The following FAM83F variants were observed in gnomAD, a reference collection of about 807,000 sequenced individuals.
FAM83F encodes the protein scaffolding CK1 anchoring protein F, also known as protein FAM83F.
A neutral mutation model predicts 42.9 loss-of-function variants in FAM83F; 45 were observed. The observed-to-expected ratio is 1.05, with a 90% CI of 0.83 to 1.35. FAM83F has a LOEUF of 1.35. FAM83F is among the 40% of genes most tolerant of loss of function. The pLI is 0.00. For synonymous variants in FAM83F, 306 were observed against 298.3 expected, an observed-to-expected ratio of 1.03 and a Z score of -0.27; for missense variants, 617 against 695.9, an observed-to-expected ratio of 0.89 and a Z score of 1.28.
In FAM83F at chr22:40,023,811, C is replaced by T. The variant is rs573429931; in HGVS notation, c.1453+1848C>T. Among the ~76,000 whole-genome samples, 62 of 152,262 alleles carry T rather than the reference C, an allele frequency of 4.1e-4. No individual in the cohort carries two copies. Among genetic ancestry groups the T allele is most frequent in the African/African-American group, 1.5e-3 (61 of 41,544 alleles). On this transcript the variant is annotated intron_variant, in intron 4 of 4. Transcript: ENST00000333407. This position sits in a 1 kb window ranked among gnomAD's most constrained non-coding sequence, Gnocchi z 4.1. ...AGAGGGAATAGTGAGGGCGAGGGCA[C>T]GGACAGCCAGGAAGGTCCGGGGATG...
In FAM83F at chr22:40,019,894, G is replaced by A. The variant is rs148160604; in HGVS notation, c.665G>A (p.Arg222His). ...QLTDFRIRNI[R>H]VRSVTGVGFY... is the part of the protein sequence containing the mutation. ...TTCTGCTCTTCCCAACAGAACATCC[G>A]TGTCCGCTCTGTGACAGGCGTCGGC... Residue 222 changes from arginine (R) to histidine (H), a missense_variant, in exon 3 of 5, where the codon CGT (arginine) becomes CAT (histidine). Physicochemically the swap from Arg to His is conservative, Grantham distance 29 (BLOSUM62 0). Transcript: ENST00000333407. 1.2e-4 allele frequency: 188 copies of A among 1,611,864 alleles called. No individual in the cohort carries two copies. The Middle Eastern group carries it at 1.7e-3, about 14-fold the overall frequency.
chr22:40,032,908 C>A lies in FAM83F; in HGVS notation c.*3343C>A, dbSNP rs2146249160. 1 of 152,174 alleles carries A rather than the reference C, an allele frequency of 6.6e-6. No homozygotes were observed. The highest frequency in any genetic ancestry group is 2.1e-4 in the South Asian group (1 of 4,810). The allele number at this position is 152,174 out of a possible 1,614,324, so 9.4% of individuals were successfully genotyped here. On this transcript the variant is annotated 3_prime_UTR_variant, in exon 5 of 5. Coordinates refer to ENST00000333407, the MANE Select transcript of FAM83F (RefSeq NM_138435.4). ...TTTTGTTTACTACTGTATTGCTTTT[C>A]TCTTTTTCATATTTATTGAGCACCT...
intron 1 of FAM83F, among the ~76,000 whole-genome samples, chr22:40,000,379 G>T (rs1411454510): frequency 6.6e-6 from 1 of 152,100 alleles, no homozygotes; most frequent in Non-Finnish European, 1.5e-5. Context: ...TGAACAGCTG[G>T]GATACAGATG....
Position 39,995,009 on chromosome 22 carries a change from C to T in FAM83F, c.-34C>T. 1 of 1,239,470 alleles carries T rather than the reference C, an allele frequency of 8.1e-7. No homozygotes were observed. Among genetic ancestry groups the T allele is most frequent in the Non-Finnish European group, 1.0e-6 (1 of 992,650 alleles). The allele number at this position is 1,239,470 out of a possible 1,614,324, so 76.8% of individuals were successfully genotyped here. A position where few individuals can be genotyped will look rare whatever the true frequency, so the allele number is the denominator to read the frequency against. On this transcript the variant is annotated 5_prime_UTR_variant, in exon 1 of 5. Transcript: ENST00000333407. The surrounding 1 kb of genome is among the most constrained non-coding windows in gnomAD (Gnocchi z 4.6). Reference sequence around the variant, plus strand: ...TGTGGGACCTCGGACCGCGGCGGGGCCGGGGCCAGGGCCGGGGCCGGGGCC... The same window carrying T: ...TGTGGGACCTCGGACCGCGGCGGGGTCGGGGCCAGGGCCGGGGCCGGGGCC...
chr22:40,039,950 C>T lies in FAM83F; in HGVS notation c.*10385C>T, dbSNP rs559054750. The T allele has an allele frequency of 6.6e-6, 1 of 152,288 alleles. No individual in the cohort carries two copies. The highest frequency in any genetic ancestry group is 2.4e-5 in the African/African-American group (1 of 41,550). The allele number at this position is 152,288 out of a possible 1,614,324, so 9.4% of individuals were successfully genotyped here. Reference sequence around the variant, plus strand: ...AGAGAGAGAAAACGAGAGAGCATTCCTGGTGGTGGAGATGGCCGCAGGCCA... The same window carrying T: ...AGAGAGAGAAAACGAGAGAGCATTCTTGGTGGTGGAGATGGCCGCAGGCCA... On this transcript the variant is annotated 3_prime_UTR_variant, in exon 5 of 5. Transcript: ENST00000333407.
chr22:40,029,084 T>G (rs1322128302), intron 4 of FAM83F, among the ~76,000 whole-genome samples: 1 of 10,878 alleles, frequency 9.2e-5, no homozygotes, highest in African/African-American at 3.9e-4. Flanking sequence ...GCTAGACGTG[T>G]GTGTGTGTGT....
intron 4 of FAM83F, among the ~76,000 whole-genome samples, chr22:40,027,128 G>A (rs1299898482): frequency 6.6e-6 from 1 of 152,082 alleles, no homozygotes; most frequent in East Asian, 1.9e-4. Flanking sequence ...AGGATTAGGG[G>A]AGGATGACCC....
intron 3 of FAM83F, among the ~76,000 whole-genome samples, chr22:40,020,802 T>C (rs754644484): frequency 7.9e-5 from 12 of 152,120 alleles, no homozygotes; most frequent in Non-Finnish European, 1.3e-4. Context: ...TCCTGTCACA[T>C]GGTCAGAGTA....
chr22:40,008,828 G>A (rs1220385578), intron 1 of FAM83F, among the ~76,000 whole-genome samples: 1 of 152,166 alleles, frequency 6.6e-6, no homozygotes, highest in Non-Finnish European at 1.5e-5. Flanking sequence ...ATCAGAAAAG[G>A]AGATTCCACA....
chr22:40,023,347 AGCT>A lies in FAM83F; in HGVS notation c.1453+1403_1453+1405del, dbSNP rs570808507. On this transcript the variant is annotated intron_variant, in intron 4 of 4. Coordinates refer to ENST00000333407, the MANE Select transcript of FAM83F (RefSeq NM_138435.4). The surrounding 1 kb of genome is among the most constrained non-coding windows in gnomAD (Gnocchi z 4.1). ...TGGGCTCCCTGGCTCCCCTAACACC[AGCT>A]GCTGCTGCTGCTGCTGCTCCTGCTC... Among the ~76,000 whole-genome samples, 19 of 136,420 alleles carry A rather than the reference AGCT, an allele frequency of 1.4e-4. No homozygotes were observed. The highest frequency in any genetic ancestry group is 4.3e-4 in the African/African-American group (15 of 34,656). The allele number at this position is 136,420 out of a possible 152,430, so 89.5% of individuals were successfully genotyped here.
At chr22:40,010,519 C>T (rs978067557) in intron 1 of FAM83F, among the ~76,000 whole-genome samples, 6 of 152,160 alleles carry the variant, frequency 3.9e-5, no homozygotes, top group South Asian at 2.1e-4. Context: ...CGTCACAGTC[C>T]GACTCGCGAA....
At position 40,030,814 on chromosome 22, in the gene FAM83F, T is replaced by G. The variant is rs1305544311; in HGVS notation, c.*1249T>G. The G allele has an allele frequency of 2.6e-5, 4 of 152,410 alleles. No individual in the cohort carries two copies. The highest frequency in any genetic ancestry group is 9.6e-5 in the African/African-American group (4 of 41,462). The allele number at this position is 152,410 out of a possible 1,614,324, so 9.4% of individuals were successfully genotyped here. A position where few individuals can be genotyped will look rare whatever the true frequency, so the allele number is the denominator to read the frequency against. ...GGAAGAGCCATGCAGCGGACTTTCT[T>G]GCCCTCTGACCTCTGAACCAAACTC... is the stretch of plus-strand genomic sequence containing the variant. On this transcript the variant is annotated 3_prime_UTR_variant, in exon 5 of 5. Coordinates refer to ENST00000333407, the MANE Select transcript of FAM83F (RefSeq NM_138435.4).
At position 40,020,081 on chromosome 22, in the gene FAM83F, C is replaced by T. The variant is rs7285869; in HGVS notation, c.779+73C>T. On this transcript the variant is annotated intron_variant, in intron 3 of 4. Coordinates refer to ENST00000333407, the MANE Select transcript of FAM83F (RefSeq NM_138435.4). ...GTAGGTGTTCAGGAAGATGCCAGAC[C>T]GGAGCCTCCGTCATCATGAGTGTGT... 27,468 of 1,536,834 alleles carry T rather than the reference C, an allele frequency of 0.018. 3,216 individuals carry two copies. The African/African-American group carries it at 0.29, about 16-fold the overall frequency.
chr22:40,015,647 A>G (rs991222801), intron 1 of FAM83F, among the ~76,000 whole-genome samples: 2 of 151,834 alleles, frequency 1.3e-5, no homozygotes, highest in Non-Finnish European at 2.9e-5. Context: ...TCCCTGCTCA[A>G]TTTTTCTCCT....
rs138327055 is a variant in FAM83F, at chr22:40,039,642, G to A, written c.*10077G>A. On this transcript the variant is annotated 3_prime_UTR_variant, in exon 5 of 5. Coordinates refer to ENST00000333407, the MANE Select transcript of FAM83F (RefSeq NM_138435.4). Reference sequence around the variant, plus strand: ...CCCAGCTGAGCTTGCTGAGTCCTGCGAGCGTCGCACGCCCCCAGAGACAAC... The same window carrying A: ...CCCAGCTGAGCTTGCTGAGTCCTGCAAGCGTCGCACGCCCCCAGAGACAAC... 2.6e-4 allele frequency: 39 copies of A among 152,340 alleles called. 2 individuals carry two copies. The East Asian group carries it at 4.2e-3, about 17-fold the overall frequency. The allele number at this position is 152,340 out of a possible 1,614,324, so 9.4% of individuals were successfully genotyped here. A position where few individuals can be genotyped will look rare whatever the true frequency, so the allele number is the denominator to read the frequency against.
Position 40,039,689 on chromosome 22 carries a change from G to T in FAM83F, c.*10124G>T, listed in dbSNP as rs543593634. The T allele has an allele frequency of 6.6e-6, 1 of 152,398 alleles. No individual in the cohort carries two copies. The highest frequency in any genetic ancestry group is 1.9e-4 in the East Asian group (1 of 5,194). The allele number at this position is 152,398 out of a possible 1,614,324, so 9.4% of individuals were successfully genotyped here. On this transcript the variant is annotated 3_prime_UTR_variant, in exon 5 of 5. Transcript: ENST00000333407. ...CAACATAAGGAGAGAAGTGCAGACA[G>T]ATTCCTTTGAAGGAGCTTAGAGAAA...
At chr22:40,017,488 C>T (rs1458471753) in intron 1 of FAM83F, among the ~76,000 whole-genome samples, 1 of 152,230 alleles carries the variant, frequency 6.6e-6, no homozygotes, top group African/African-American at 2.4e-5. Flanking sequence ...CCGCCTCAGC[C>T]TCCCAAAGTG....
chr22:40,011,954 CAG>C (rs1181459854), intron 1 of FAM83F, among the ~76,000 whole-genome samples: 2 of 152,220 alleles, frequency 1.3e-5, no homozygotes, highest in South Asian at 2.1e-4. Flanking sequence ...TGTTGCTCTA[CAG>C]AATAGCTGCA....
chr22:39,995,320 C>T lies in FAM83F; in HGVS notation c.278C>T (p.Ala93Val), dbSNP rs1259806084. 25 of 1,538,536 alleles carry T rather than the reference C, an allele frequency of 1.6e-5. No homozygotes were observed. In the South Asian group the frequency reaches 3.0e-4, roughly 18 times the overall value. Reference sequence around the variant, plus strand: ...GGCAAGAGCAAGGCCAAGGCCAAGGCCCCCGCGCCGGCGCCGGCTGAGTCC... The same window carrying T: ...GGCAAGAGCAAGGCCAAGGCCAAGGTCCCCGCGCCGGCGCCGGCTGAGTCC... ...ARGKSKAKAK[A>V]PAPAPAESGE... The change falls in exon 1 of 5, where the codon GCC (alanine) becomes GTC (valine). Residue 93 changes from alanine to valine, a missense_variant. Physicochemically the swap from Ala to Val is moderately conservative, Grantham distance 64 (BLOSUM62 0). Coordinates refer to ENST00000333407, the MANE Select transcript of FAM83F (RefSeq NM_138435.4). The surrounding 1 kb of genome is among the most constrained non-coding windows in gnomAD (Gnocchi z 4.6).
Sources: gnomAD v4.1 joint callset for allele counts (sites outside exome capture counted in the v4.1 genomes callset) on GRCh38, gnomAD v4.1.1 for gene constraint, Gnocchi (gnomAD v3.1) non-coding constraint, MANE v1.5 for transcripts, NCBI Gene and HGNC (gene_info 2026-07-23, HGNC 2026-07-21) for gene names.